FGGY: variants seen among roughly 807,000 people sequenced by gnomAD.
FGGY encodes the protein FGGY carbohydrate kinase domain-containing protein.
Under a neutral mutation model 71.3 loss-of-function variants are expected in FGGY, and 72 were observed. The observed-to-expected ratio is 1.01, with a 90% confidence interval of 0.84 to 1.23. The LOEUF (loss-of-function observed/expected upper bound fraction) is 1.23. FGGY is among the 50% of genes most tolerant of loss of function. The pLI is 0.00. For synonymous variants in FGGY, 251 were observed against 250.3 expected (o/e 1.00, Z -0.02); for missense variants, 668 against 682.3 (o/e 0.98, Z 0.23).
chr1:59,471,816 G>A (rs2092955085), intron 6 of FGGY, among the ~76,000 whole-genome samples: 1 of 152,194 alleles, frequency 6.6e-6, no homozygotes, highest in Non-Finnish European at 1.5e-5. Context: ...TAATCTCAAG[G>A]TTTTTCAGTA....
intron 7 of FGGY, among the ~76,000 whole-genome samples, chr1:59,530,676 G>A (rs2095118575): frequency 1.3e-5 from 2 of 152,178 alleles, no homozygotes; most frequent in African/African-American, 4.8e-5. Flanking sequence ...AGGAAGGAGG[G>A]TGAGAAGGAG....
chr1:59,301,929 G>A lies in FGGY; in HGVS notation c.-15+4779G>A, dbSNP rs534292318. Among the ~76,000 whole-genome samples, 176 of 149,854 alleles carry A rather than the reference G, an allele frequency of 1.2e-3. 1 individual carries two copies. The highest frequency in any genetic ancestry group is 4.1e-3 in the African/African-American group (169 of 40,846). Reference sequence around the variant, plus strand: ...TTTTTTTTTTTTAAGTAGAGATGGGGTTTCTCCATGTTGGTCAGGCTGGTC... The same window carrying A: ...TTTTTTTTTTTTAAGTAGAGATGGGATTTCTCCATGTTGGTCAGGCTGGTC... On this transcript the variant is annotated intron_variant, in intron 1 of 15. Coordinates refer to ENST00000303721, the MANE Select transcript of FGGY (RefSeq NM_018291.5).
At chr1:59,675,438 T>G (rs1246903474) in intron 14 of FGGY, among the ~76,000 whole-genome samples, 2 of 152,370 alleles carry the variant, frequency 1.3e-5, no homozygotes, top group South Asian at 2.1e-4. Flanking sequence ...TGATGCTGTT[T>G]GTACTGCATT....
At chr1:59,565,501 G>A (rs2095860677) in intron 8 of FGGY, among the ~76,000 whole-genome samples, 2 of 152,136 alleles carry the variant, frequency 1.3e-5, no homozygotes, top group Non-Finnish European at 2.9e-5. Flanking sequence ...AGCCAGGATG[G>A]TCTCGATCTC....
rs952782037 is a variant in FGGY, at chr1:59,724,245, G to A, written c.1513-33686G>A. ...TGTAATCCCAGCACTTTGGGAGGCC[G>A]AGGCAGGCAGATCACGAGGTCAGGA... is the stretch of plus-strand genomic sequence containing the variant. On this transcript the variant is annotated intron_variant, in intron 14 of 15. Transcript: ENST00000303721. Among the ~76,000 whole-genome samples, 5 of 151,062 alleles carry A rather than the reference G, an allele frequency of 3.3e-5. No individual in the cohort carries two copies. In the East Asian group the frequency reaches 5.9e-4, roughly 18 times the overall value.
At chr1:59,668,511 C>G (rs891096375) in intron 13 of FGGY, among the ~76,000 whole-genome samples, 2 of 152,328 alleles carry the variant, frequency 1.3e-5, no homozygotes, top group South Asian at 2.1e-4. Flanking sequence ...AGGTCAAAGT[C>G]CCTGCCCCAT....
chr1:59,374,670 A>G (rs1189383967), intron 4 of FGGY, among the ~76,000 whole-genome samples: 4 of 152,092 alleles, frequency 2.6e-5, no homozygotes, highest in Admixed American at 6.5e-5. Flanking sequence ...TCCAACAATG[A>G]TAGACTGGAT....
chr1:59,746,794 A>T (rs2098202057), intron 14 of FGGY, among the ~76,000 whole-genome samples: 1 of 152,188 alleles, frequency 6.6e-6, no homozygotes, highest in Non-Finnish European at 1.5e-5. Flanking sequence ...CATCCAGCCT[A>T]AAATTTCCAT....
At chr1:59,556,096 GAGGCC>G (rs1210753509) in intron 8 of FGGY, among the ~76,000 whole-genome samples, 2 of 152,210 alleles carry the variant, frequency 1.3e-5, no homozygotes, top group African/African-American at 4.8e-5. Flanking sequence ...GCAGAGGCCT[GAGGCC>G]TCTTTAAGCC....
At chr1:59,643,828 C>G (rs2097061428) in intron 11 of FGGY, among the ~76,000 whole-genome samples, 2 of 152,142 alleles carry the variant, frequency 1.3e-5, no homozygotes, top group Non-Finnish European at 2.9e-5. Context: ...AAATAATTGC[C>G]TTATGGTCAA....
chr1:59,493,870 T>C (rs2093954988), intron 6 of FGGY, among the ~76,000 whole-genome samples: 1 of 152,248 alleles, frequency 6.6e-6, no homozygotes, highest in South Asian at 2.1e-4. Flanking sequence ...ATTTATTTTA[T>C]TCTCTTCTTG....
chr1:59,344,148 G>A (rs2051285786), intron 3 of FGGY, among the ~76,000 whole-genome samples: 1 of 152,182 alleles, frequency 6.6e-6, no homozygotes. Flanking sequence ...CATTCCTGTG[G>A]AAGGTCCCAT....
chr1:59,546,531 TGA>T (rs1558303596), intron 7 of FGGY, among the ~76,000 whole-genome samples: 2,926 of 110,174 alleles, frequency 0.027, 53 homozygotes, highest in African/African-American at 0.061. Context: ...ATGATGATGA[TGA>T]TGATTATTAT....
intron 14 of FGGY, among the ~76,000 whole-genome samples, chr1:59,743,498 T>C (rs1207939): frequency 0.25 from 38,584 of 152,168 alleles, 6,762 homozygotes; most frequent in African/African-American, 0.51. Flanking sequence ...ACTTCCCATT[T>C]TGAGAAAGAG....
At chr1:59,467,873 A>G (rs764176354) in intron 6 of FGGY, among the ~76,000 whole-genome samples, 2 of 151,152 alleles carry the variant, frequency 1.3e-5, no homozygotes, top group African/African-American at 2.4e-5. Flanking sequence ...GTTGGCTTCA[A>G]TTGTTTCTTT....
At chr1:59,644,518 A>T (rs1159252775) in intron 11 of FGGY, among the ~76,000 whole-genome samples, 1 of 152,136 alleles carries the variant, frequency 6.6e-6, no homozygotes, top group Non-Finnish European at 1.5e-5. Flanking sequence ...AGGGCTACAC[A>T]TACGATTATT....
At chr1:59,457,524 T>C (rs1572384833) in intron 6 of FGGY, among the ~76,000 whole-genome samples, 1 of 151,930 alleles carries the variant, frequency 6.6e-6, no homozygotes, top group East Asian at 1.9e-4. Context: ...GGTGGGGGGA[T>C]TGCTTGAGCC....
At chr1:59,557,640 T>G (rs1291058508) in intron 8 of FGGY, among the ~76,000 whole-genome samples, 1 of 152,186 alleles carries the variant, frequency 6.6e-6, no homozygotes, top group East Asian at 1.9e-4. Flanking sequence ...TTTAACTCCA[T>G]GAAAGCAGAG....
At chr1:59,542,380 A>G (rs772164597) in intron 7 of FGGY, among the ~76,000 whole-genome samples, 1 of 146,670 alleles carries the variant, frequency 6.8e-6, no homozygotes, top group Non-Finnish European at 1.5e-5. Flanking sequence ...GGGAGATACT[A>G]TTAATCAGGG....
Sources: allele counts gnomAD v4.1 joint callset (sites outside exome capture counted in the v4.1 genomes callset), GRCh38; gene constraint gnomAD v4.1.1; transcripts MANE v1.5; gene names NCBI Gene and HGNC (gene_info 2026-07-23, HGNC 2026-07-21).